KMT2C: variants seen among roughly 807,000 people sequenced by gnomAD.
KMT2C encodes histone-lysine N-methyltransferase 2C.
Under a neutral mutation model 507.9 loss-of-function variants are expected in KMT2C, and 88 were observed. The observed-to-expected ratio is 0.17, with a 90% CI of 0.15 to 0.21. The LOEUF (loss-of-function observed/expected upper bound fraction) is 0.21. Ranked by LOEUF, KMT2C falls within the 10% of genes least tolerant of loss-of-function variation. KMT2C has a pLI of 1.00. For missense variants in KMT2C, 4,954 were observed against 5,957.8 expected (o/e 0.83, Z 5.55); for synonymous variants, 2,049 against 2,080.8 (o/e 0.98, Z 0.42).
chr7:152,144,675 CT>C lies in KMT2C; in HGVS notation c.14343+37del. On this transcript the variant is annotated intron_variant, in intron 55 of 58. Transcript: ENST00000262189. The surrounding 1 kb of genome is among the most constrained non-coding windows in gnomAD (Gnocchi z 4.4). ...TAGCTTCAGATTGCTAGACTCCACC[CT>C]GTCTCTCCACTTCCTGTACACAAAG... 2 of 1,586,460 alleles carry C rather than the reference CT, an allele frequency of 1.3e-6. No individual in the cohort carries two copies. The highest frequency in any genetic ancestry group is 2.7e-5 in the African/African-American group (2 of 74,638).
intron 6 of KMT2C, among the ~76,000 whole-genome samples, chr7:152,297,007 A>AAGAAAGAAAGAAAGAAAG (rs2096507874): frequency 7.7e-5 from 6 of 77,576 alleles, no homozygotes; most frequent in Non-Finnish European, 1.4e-4. Context: ...AAAAGAAAGA[A>AAGAAAGAAAGAAAGAAAG]AGAAAGAAAG....
rs1024713971 is a variant in KMT2C, at chr7:152,161,820, T to G, written c.11460+297A>C. ...TAAAGTACATAGACATTTACTTACT[T>G]TGCTTTAGTCATATCAACTCAATGT... On this transcript the variant is annotated intron_variant, in intron 43 of 58. Transcript: ENST00000262189. Among the ~76,000 whole-genome samples, 6 of 152,226 alleles carry G rather than the reference T, an allele frequency of 3.9e-5. No homozygotes were observed. The South Asian group carries it at 1.0e-3, about 26-fold the overall frequency.
intron 1 of KMT2C, among the ~76,000 whole-genome samples, chr7:152,414,588 A>C (rs534105834): frequency 2.0e-5 from 3 of 152,298 alleles, no homozygotes; most frequent in South Asian, 2.1e-4. Context: ...AGATTTAATA[A>C]AAATACTGTA....
At position 152,181,274 on chromosome 7, in the gene KMT2C, T is replaced by G; in HGVS notation, c.6586A>C (p.Asn2196His). Residue 2196 changes from asparagine to histidine, a missense_variant, in exon 36 of 59, where the codon AAT becomes CAT. This residue lies in a region of KMT2C where 1,689 missense variants were observed against 1,654.3 expected (regional missense o/e 1.02). Coordinates refer to ENST00000262189, the MANE Select transcript of KMT2C (RefSeq NM_170606.3). ...GCATATGGATCAGAATGCCTCTGAT[T>G]TGTTACAGGTGTAACAAACAAGTCA... ...QTDLFVTPVT[N>H]QRHSDPYAHP... The G allele has an allele frequency of 6.2e-7, 1 of 1,614,068 alleles. No individual in the cohort carries two copies. The highest frequency in any genetic ancestry group is 1.7e-5 in the Admixed American group (1 of 60,004).
At chr7:152,395,827 A>AT (rs2097535042) in intron 1 of KMT2C, among the ~76,000 whole-genome samples, 1 of 152,212 alleles carries the variant, frequency 6.6e-6, no homozygotes, top group Non-Finnish European at 1.5e-5. Flanking sequence ...TAACTCAGTA[A>AT]GAGTGTGATA....
At chr7:152,418,651 C>T (rs1259985214) in intron 1 of KMT2C, among the ~76,000 whole-genome samples, 2 of 151,776 alleles carry the variant, frequency 1.3e-5, no homozygotes, top group African/African-American at 4.8e-5. Flanking sequence ...AGGCTGGTCT[C>T]GAACTCCTGA....
At chr7:152,167,741 A>G (rs1195418064) in intron 41 of KMT2C, among the ~76,000 whole-genome samples, 2 of 152,194 alleles carry the variant, frequency 1.3e-5, no homozygotes, top group Non-Finnish European at 2.9e-5. Flanking sequence ...TATGAATACG[A>G]TTTTACAGAT....
chr7:152,426,090 A>G (rs1250290244), intron 1 of KMT2C, among the ~76,000 whole-genome samples: 1 of 152,150 alleles, frequency 6.6e-6, no homozygotes, highest in Non-Finnish European at 1.5e-5. Flanking sequence ...CTCATAATGA[A>G]AAACATTTCA....
At chr7:152,390,206 A>G (rs2097480369) in intron 1 of KMT2C, among the ~76,000 whole-genome samples, 1 of 151,324 alleles carries the variant, frequency 6.6e-6, no homozygotes, top group African/African-American at 2.4e-5. Flanking sequence ...CCCTGAATCT[A>G]AAATAAAATA....
intron 1 of KMT2C, among the ~76,000 whole-genome samples, chr7:152,430,493 T>TCTA (rs1390351232): frequency 6.6e-6 from 1 of 152,158 alleles, no homozygotes; most frequent in Non-Finnish European, 1.5e-5. Context: ...AACGAGGGTA[T>TCTA]CTAACACGTC....
intron 6 of KMT2C, among the ~76,000 whole-genome samples, chr7:152,306,454 A>G (rs770865532): frequency 1.3e-5 from 2 of 152,202 alleles, no homozygotes; most frequent in Non-Finnish European, 2.9e-5. Context: ...TTTCTGATTT[A>G]TCTGCATGGT....
At chr7:152,300,602 C>T (rs1219630533) in intron 6 of KMT2C, among the ~76,000 whole-genome samples, 1 of 152,174 alleles carries the variant, frequency 6.6e-6, no homozygotes, top group Non-Finnish European at 1.5e-5. Flanking sequence ...TGAGGTCTTT[C>T]TACTATATAT....
chr7:152,394,125 T>C (rs2097522418), intron 1 of KMT2C, among the ~76,000 whole-genome samples: 1 of 152,180 alleles, frequency 6.6e-6, no homozygotes, highest in Non-Finnish European at 1.5e-5. Context: ...CCTATCATGC[T>C]TCAAATCATC....
At chr7:152,299,212 G>A (rs548939864) in intron 6 of KMT2C, among the ~76,000 whole-genome samples, 13 of 152,070 alleles carry the variant, frequency 8.5e-5, no homozygotes, top group African/African-American at 3.1e-4. Flanking sequence ...CAGCTACTCA[G>A]GAGACTGAGG....
chr7:152,148,779 A>G lies in KMT2C; in HGVS notation c.13148T>C (p.Leu4383Pro), dbSNP rs1413994512. Residue 4383 changes from leucine (L) to proline (P), a missense_variant, in exon 52 of 59, where the codon CTA becomes CCA. By Grantham distance (98) the Leu-to-Pro change is moderately conservative. Coordinates refer to ENST00000262189, the MANE Select transcript of KMT2C (RefSeq NM_170606.3). This position sits in a 1 kb window ranked among gnomAD's most constrained non-coding sequence, Gnocchi z 7.1. ...PPCEDEIDEF[L>P]KKLGTSLKPD... ...TTTAAGGGAAGTGCCCAATTTCTTT[A>G]GAAATTCATCTATTTCATCCTCACA... 1 of 1,614,258 alleles carries G rather than the reference A, an allele frequency of 6.2e-7. No homozygotes were observed. Among genetic ancestry groups the G allele is most frequent in the Non-Finnish European group, 8.5e-7 (1 of 1,180,042 alleles).
At chr7:152,392,072 G>A (rs979112686) in intron 1 of KMT2C, among the ~76,000 whole-genome samples, 3 of 152,118 alleles carry the variant, frequency 2.0e-5, no homozygotes, top group African/African-American at 7.2e-5. Flanking sequence ...CTGAAACCAC[G>A]GATGCTACAA....
At chr7:152,239,571 A>G (rs2095346229) in intron 14 of KMT2C, among the ~76,000 whole-genome samples, 3 of 152,222 alleles carry the variant, frequency 2.0e-5, no homozygotes, top group Non-Finnish European at 4.4e-5. Context: ...AATTATATAG[A>G]AAGTAGTATC....
At chr7:152,262,002 C>A (rs36036869) in intron 9 of KMT2C, among the ~76,000 whole-genome samples, 1 of 151,932 alleles carries the variant, frequency 6.6e-6, no homozygotes, top group African/African-American at 2.4e-5. Context: ...CTCCCCTCAA[C>A]CCCCACCACT....
At chr7:152,147,949 A>C in intron 52 of KMT2C, 84 bp downstream of exon 52, 1 of 1,403,538 alleles carries the variant, frequency 7.1e-7, no homozygotes, top group African/African-American at 1.4e-5. Context: ...AACATGAGAC[A>C]AACATGGAAA....
Sources: gnomAD v4.1 joint callset for allele counts (sites outside exome capture counted in the v4.1 genomes callset) on GRCh38, gnomAD v4.1.1 for gene constraint, gnomAD v4.1.1 regional missense constraint, Gnocchi (gnomAD v3.1) non-coding constraint, MANE v1.5 for transcripts, NCBI Gene and HGNC (gene_info 2026-07-23, HGNC 2026-07-21) for gene names.